NRG3: variants seen among roughly 807,000 people sequenced by gnomAD.
NRG3 encodes neuregulin 3.
In NRG3, 31 loss-of-function variants were observed where a neutral mutation model predicts 66.9. That is an observed-to-expected ratio of 0.46 (90% CI 0.35 to 0.63). NRG3 has a LOEUF of 0.63. NRG3 is among the 20% of genes least tolerant of loss of function. The probability of loss-of-function intolerance (pLI) is 0.00; values close to 1 mark genes in which losing one functional copy is unlikely to be tolerated. For missense variants in NRG3, 910 were observed against 878.9 expected, an observed-to-expected ratio of 1.04 and a Z score of -0.45; for synonymous variants, 393 against 359.4, an observed-to-expected ratio of 1.09 and a Z score of -1.06.
intron 2 of NRG3, among the ~76,000 whole-genome samples, chr10:82,583,473 A>G (rs946735208): frequency 4.6e-5 from 7 of 152,194 alleles, no homozygotes; most frequent in Admixed American, 2.0e-4. Flanking sequence ...TGTTGCTTCT[A>G]TATTTACGTG....
intron 2 of NRG3, among the ~76,000 whole-genome samples, chr10:82,691,524 T>C (rs1450975776): frequency 6.6e-6 from 1 of 152,224 alleles, no homozygotes; most frequent in Admixed American, 6.5e-5. Flanking sequence ...TTGTCTAGAA[T>C]TATGAGGCCA....
chr10:82,489,783 G>A (rs1842950530), intron 2 of NRG3, among the ~76,000 whole-genome samples: 1 of 151,916 alleles, frequency 6.6e-6, no homozygotes, highest in African/African-American at 2.4e-5. Flanking sequence ...AAAATCTATT[G>A]AAAAAAGTAT....
chr10:82,477,939 A>T (rs1353266762), intron 2 of NRG3, among the ~76,000 whole-genome samples: 1 of 152,204 alleles, frequency 6.6e-6, no homozygotes, highest in African/African-American at 2.4e-5. Flanking sequence ...GTGTGCAATG[A>T]TGTAAGCAGG....
At chr10:82,663,813 A>G (rs527957290) in intron 2 of NRG3, among the ~76,000 whole-genome samples, 2 of 152,318 alleles carry the variant, frequency 1.3e-5, no homozygotes, top group African/African-American at 4.8e-5. Flanking sequence ...GCCATCAATA[A>G]TGGGTGCATT....
At chr10:82,772,074 T>C (rs963929600) in intron 3 of NRG3, among the ~76,000 whole-genome samples, 2 of 152,202 alleles carry the variant, frequency 1.3e-5, no homozygotes, top group African/African-American at 4.8e-5. Flanking sequence ...CCTTTCTCTT[T>C]TGTTGAATTA....
intron 1 of NRG3, among the ~76,000 whole-genome samples, chr10:82,323,943 C>A (rs1031101080): frequency 2.0e-5 from 3 of 152,180 alleles, no homozygotes; most frequent in Admixed American, 6.5e-5. Context: ...CGGCTCACTG[C>A]AACCTCCACC....
chr10:82,607,644 T>C (rs1271089190), intron 2 of NRG3, among the ~76,000 whole-genome samples: 1 of 152,076 alleles, frequency 6.6e-6, no homozygotes, highest in African/African-American at 2.4e-5. Context: ...CTTGTTCTCT[T>C]TTTTTCTTCT....
At chr10:82,649,532 A>G (rs1312468954) in intron 2 of NRG3, among the ~76,000 whole-genome samples, 1 of 129,244 alleles carries the variant, frequency 7.7e-6, no homozygotes, top group Non-Finnish European at 1.5e-5. Context: ...GTGCAGTGGC[A>G]CTATCTCAGC....
chr10:82,004,029 A>T (rs2061283961), intron 1 of NRG3, among the ~76,000 whole-genome samples: 2 of 142,268 alleles, frequency 1.4e-5, no homozygotes, highest in South Asian at 4.2e-4. Flanking sequence ...ACACACACAC[A>T]CACACAGATA....
At chr10:82,006,369 G>T (rs1005677155) in intron 1 of NRG3, among the ~76,000 whole-genome samples, 1 of 151,924 alleles carries the variant, frequency 6.6e-6, no homozygotes, top group African/African-American at 2.4e-5. Flanking sequence ...CATTTTACCT[G>T]TGAGATTTGT....
intron 2 of NRG3, among the ~76,000 whole-genome samples, chr10:82,638,404 G>T (rs1189393973): frequency 1.3e-5 from 2 of 152,146 alleles, no homozygotes; most frequent in Non-Finnish European, 2.9e-5. Flanking sequence ...AAAACATACT[G>T]CACTGTGTCC....
intron 1 of NRG3, among the ~76,000 whole-genome samples, chr10:82,067,327 T>C (rs1016194858): frequency 6.6e-6 from 1 of 152,222 alleles, no homozygotes; most frequent in Admixed American, 6.5e-5. Context: ...TTTCCCACTC[T>C]ACTTTTGTTC....
At chr10:82,536,332 A>G (rs959883952) in intron 2 of NRG3, among the ~76,000 whole-genome samples, 3 of 152,238 alleles carry the variant, frequency 2.0e-5, no homozygotes, top group Non-Finnish European at 2.9e-5. Context: ...AACAAGAATC[A>G]AATCATTTTC....
At chr10:82,550,175 T>C (rs529085793) in intron 2 of NRG3, among the ~76,000 whole-genome samples, 1 of 152,266 alleles carries the variant, frequency 6.6e-6, no homozygotes, top group East Asian at 1.9e-4. Context: ...AAATATTCCG[T>C]TTATCTTTGG....
chr10:82,822,417 G>A lies in NRG3; in HGVS notation c.1028-42994G>A, dbSNP rs193086538. On this transcript the variant is annotated intron_variant, in intron 3 of 8. Transcript: ENST00000372141. ...GAGAGGCACTAGCCAGTGGGTCTAC[G>A]TCCAAGAACTGCCACAAAGGTCTTA... Among the ~76,000 whole-genome samples the A allele has an allele frequency of 3.5e-4, 54 of 152,184 alleles. 1 individual carries two copies. The East Asian group carries it at 5.3e-3, about 15-fold the overall frequency.
intron 1 of NRG3, among the ~76,000 whole-genome samples, chr10:82,275,588 G>A (rs1468197191): frequency 6.6e-6 from 1 of 151,958 alleles, no homozygotes; most frequent in Non-Finnish European, 1.5e-5. Context: ...CCTGGGAGCT[G>A]TGTGTTTTCA....
intron 2 of NRG3, among the ~76,000 whole-genome samples, chr10:82,668,857 A>T (rs924261261): frequency 3.3e-5 from 5 of 152,178 alleles, no homozygotes; most frequent in Non-Finnish European, 7.3e-5. Context: ...CTGCCTTTAC[A>T]TTATAGATTG....
chr10:82,894,403 T>A (rs1435008073), intron 4 of NRG3, among the ~76,000 whole-genome samples: 2 of 152,194 alleles, frequency 1.3e-5, no homozygotes, highest in Non-Finnish European at 2.9e-5. Context: ...TCCTTTTAAA[T>A]CAGTGGGGAC....
chr10:81,938,965 G>T (rs1848160047), intron 1 of NRG3, among the ~76,000 whole-genome samples: 1 of 151,992 alleles, frequency 6.6e-6, no homozygotes, highest in African/African-American at 2.4e-5. Flanking sequence ...TTTTTATCAT[G>T]AAAGGGTACT....
Sources: gnomAD v4.1 joint callset for allele counts (sites outside exome capture counted in the v4.1 genomes callset) on GRCh38, gnomAD v4.1.1 for gene constraint, MANE v1.5 for transcripts, NCBI Gene and HGNC (gene_info 2026-07-23, HGNC 2026-07-21) for gene names.